Variants in EYS observed in about 807,000 individuals in gnomAD.
The protein encoded by EYS is protein eyes shut homolog.
Under a neutral mutation model 282.1 loss-of-function variants are expected in EYS, and 250 were observed. The ratio of observed to expected loss-of-function variants is 0.89; its 90% CI spans 0.80 to 0.98. The LOEUF is 0.98. Among genes scored for constraint, EYS ranks in the 50% least tolerant of loss-of-function variants. The probability of loss-of-function intolerance (pLI) is 0.00; values close to 1 mark genes in which losing one functional copy is unlikely to be tolerated. For synonymous variants in EYS, 1,355 were observed against 1,282.9 expected (o/e 1.06, Z -1.20); for missense variants, 4,016 against 3,709.0 (o/e 1.08, Z -2.15).
intron 30 of EYS, among the ~76,000 whole-genome samples, chr6:64,294,842 TAA>T (rs1391663618): frequency 2.6e-5 from 4 of 152,192 alleles, no homozygotes; most frequent in East Asian, 1.9e-4. Flanking sequence ...TATTCAAATA[TAA>T]GTTATGAATT....
chr6:64,670,244 G>A (rs1418820967), intron 22 of EYS, among the ~76,000 whole-genome samples: 8 of 151,812 alleles, frequency 5.3e-5, no homozygotes, highest in South Asian at 2.1e-4. Context: ...GATCCTTCTC[G>A]CCCTCATTTT....
intron 2 of EYS, among the ~76,000 whole-genome samples, chr6:65,558,192 G>A (rs982408009): frequency 6.6e-6 from 1 of 152,200 alleles, no homozygotes; most frequent in South Asian, 2.1e-4. Context: ...GGCTGTCTGT[G>A]CCAAGGGGCA....
In EYS at chr6:65,620,993, T is replaced by C. The variant is rs184489947; in HGVS notation, c.-333+18785A>G. ...TCCAACTATGTGGTCAATTTTGGAA[T>C]AGGTGTGGTGTGGTGCTGAAAAAAA... On this transcript the variant is annotated intron_variant, in intron 2 of 42. Transcript: ENST00000503581. 3.4e-3 allele frequency among the ~76,000 whole-genome samples: 512 copies of C among 152,284 alleles called. 20 individuals carry two copies. Among genetic ancestry groups the C allele is most frequent in the Admixed American group, 0.029 (436 of 15,284 alleles).
chr6:65,084,419 T>C (rs1203234815), intron 12 of EYS, among the ~76,000 whole-genome samples: 1 of 152,150 alleles, frequency 6.6e-6, no homozygotes, highest in African/African-American at 2.4e-5. Context: ...TTCACTCAAA[T>C]TGCCAATTTA....
intron 8 of EYS, among the ~76,000 whole-genome samples, chr6:65,366,078 C>T (rs1383798312): frequency 1.3e-5 from 2 of 151,670 alleles, no homozygotes; most frequent in Non-Finnish European, 2.9e-5. Flanking sequence ...TTACTCCAGC[C>T]AAGCAACTGT....
At chr6:64,629,877 A>G (rs1247693615) in intron 22 of EYS, among the ~76,000 whole-genome samples, 1 of 152,156 alleles carries the variant, frequency 6.6e-6, no homozygotes, top group Non-Finnish European at 1.5e-5. Context: ...TTCAATCTAC[A>G]TACCTTTTAT....
chr6:65,590,760 A>G (rs1020927643), intron 2 of EYS, among the ~76,000 whole-genome samples: 8 of 151,728 alleles, frequency 5.3e-5, no homozygotes, highest in African/African-American at 1.9e-4. Context: ...TTCACTTAAC[A>G]TATTGTCCTC....
intron 22 of EYS, among the ~76,000 whole-genome samples, chr6:64,786,278 A>G (rs572225614): frequency 6.6e-6 from 1 of 151,180 alleles, no homozygotes; most frequent in African/African-American, 2.4e-5. Flanking sequence ...GCTCCCCTGT[A>G]CAGAGACAGA....
intron 22 of EYS, among the ~76,000 whole-genome samples, chr6:64,801,438 G>T (rs1774549719): frequency 6.6e-6 from 1 of 151,974 alleles, no homozygotes; most frequent in Admixed American, 6.6e-5. Flanking sequence ...ATTATAAAAG[G>T]TGTGGAATGT....
At chr6:65,385,360 G>A (rs1161858206) in intron 7 of EYS, among the ~76,000 whole-genome samples, 2 of 151,744 alleles carry the variant, frequency 1.3e-5, no homozygotes, top group Non-Finnish European at 1.5e-5. Context: ...GGCCATGTTG[G>A]CACAATTTCA....
At chr6:63,774,801 G>C (rs1000437808) in intron 40 of EYS, among the ~76,000 whole-genome samples, 1 of 151,338 alleles carries the variant, frequency 6.6e-6, no homozygotes, top group African/African-American at 2.4e-5. Flanking sequence ...AGCTAGACAT[G>C]GTGGAAGAAA....
intron 22 of EYS, among the ~76,000 whole-genome samples, chr6:64,714,315 T>G (rs1244626106): frequency 1.3e-5 from 2 of 152,186 alleles, no homozygotes; most frequent in Non-Finnish European, 2.9e-5. Flanking sequence ...GGAAGTATTC[T>G]AATAAGTGTC....
intron 12 of EYS, among the ~76,000 whole-genome samples, chr6:65,122,749 TTC>T (rs1430431569): frequency 6.6e-6 from 1 of 152,146 alleles, no homozygotes; most frequent in Non-Finnish European, 1.5e-5. Context: ...TAAAACTATT[TTC>T]TGTTTTACTC....
intron 12 of EYS, among the ~76,000 whole-genome samples, chr6:65,272,991 G>A (rs1226328840): frequency 3.9e-5 from 6 of 151,950 alleles, no homozygotes; most frequent in Non-Finnish European, 7.4e-5. Flanking sequence ...TAATGTAAAC[G>A]TTACTTGAAC....
rs534225564 is a variant in EYS, at chr6:64,925,346, T to A, written c.2382-12603A>T. On this transcript the variant is annotated intron_variant, in intron 15 of 42. Transcript: ENST00000503581. ...GGAATTCTGGGTGATACAATTCAAG[T>A]TGAGATTTGGATGGGGCACAACCAA... Among the ~76,000 whole-genome samples the A allele has an allele frequency of 1.2e-4, 19 of 152,288 alleles. No individual in the cohort carries two copies. In the South Asian group the frequency reaches 2.5e-3, roughly 20 times the overall value.
At chr6:65,003,650 C>T (rs1170381681) in intron 13 of EYS, among the ~76,000 whole-genome samples, 2 of 147,136 alleles carry the variant, frequency 1.4e-5, no homozygotes, top group Non-Finnish European at 3.0e-5. Context: ...GGATGTCTCC[C>T]CCGGATGCCC....
At chr6:63,815,796 G>A (rs1011210503) in intron 36 of EYS, among the ~76,000 whole-genome samples, 2 of 152,014 alleles carry the variant, frequency 1.3e-5, no homozygotes, top group Non-Finnish European at 2.9e-5. Flanking sequence ...GGAGACACAG[G>A]CACACACATG....
intron 5 of EYS, among the ~76,000 whole-genome samples, chr6:65,456,045 G>GAGAAAGAA (rs146801266): frequency 1.0e-4 from 13 of 128,376 alleles, no homozygotes; most frequent in Non-Finnish European, 2.1e-4. Context: ...AAGAAAGAAA[G>GAGAAAGAA]AGAAAGAAAG....
chr6:65,075,805 G>A (rs1774033028), intron 12 of EYS, among the ~76,000 whole-genome samples: 1 of 151,932 alleles, frequency 6.6e-6, no homozygotes, highest in Admixed American at 6.6e-5. Flanking sequence ...AACCTCTAGT[G>A]AGTTGAAAAG....
Sources: allele counts gnomAD v4.1 joint callset (sites outside exome capture counted in the v4.1 genomes callset), GRCh38; gene constraint gnomAD v4.1.1; transcripts MANE v1.5; gene names NCBI Gene and HGNC (gene_info 2026-07-23, HGNC 2026-07-21).